The following ADGRB3 variants were observed in gnomAD, a reference collection of about 807,000 sequenced individuals.
ADGRB3 encodes the protein brain-specific angiogenesis inhibitor 3.
In ADGRB3, 37 loss-of-function variants were observed where a neutral mutation model predicts 193.4. That is an observed-to-expected ratio of 0.19 (90% CI 0.15 to 0.25). The LOEUF is 0.25. ADGRB3 is among the 10% of genes least tolerant of loss of function. The probability of loss-of-function intolerance (pLI) is 1.00; values close to 1 mark genes in which losing one functional copy is unlikely to be tolerated. For synonymous variants in ADGRB3, 690 were observed against 644.2 expected (o/e 1.07, Z -1.08); for missense variants, 1,637 against 1,852.9 (o/e 0.88, Z 2.14).
intron 28 of ADGRB3, among the ~76,000 whole-genome samples, chr6:69,358,503 A>T (rs190554092): frequency 1.2e-3 from 184 of 151,766 alleles, no homozygotes; most frequent in Non-Finnish European, 2.0e-3. Context: ...TTAGAAAATA[A>T]TTTTTCTAAT....
At chr6:69,141,231 C>T (rs2150337854) in intron 17 of ADGRB3, among the ~76,000 whole-genome samples, 2 of 152,010 alleles carry the variant, frequency 1.3e-5, no homozygotes, top group Middle Eastern at 3.4e-3. Flanking sequence ...TCTCGGCATT[C>T]TCCTGCCTCA....
chr6:68,851,595 A>G (rs1040780936), intron 3 of ADGRB3, among the ~76,000 whole-genome samples: 1 of 151,878 alleles, frequency 6.6e-6, no homozygotes, highest in Admixed American at 6.6e-5. Context: ...TAAATGATAC[A>G]AAATTACCCT....
intron 3 of ADGRB3, among the ~76,000 whole-genome samples, chr6:68,767,643 C>T (rs1766534793): frequency 6.6e-6 from 1 of 152,114 alleles, no homozygotes; most frequent in Non-Finnish European, 1.5e-5. Flanking sequence ...GACAAAGATG[C>T]CATCTCTCAC....
rs2150275274 is a variant in ADGRB3 at position 68,993,973 on chromosome 6, C to T, written c.1929+11C>T. 1.2e-6 allele frequency: 2 copies of T among 1,609,804 alleles called. No individual in the cohort carries two copies. Among genetic ancestry groups the T allele is most frequent in the Non-Finnish European group, 1.7e-6 (2 of 1,177,012 alleles). ...TCTGATGGTGTCCAGGTAAGGGAGA[C>T]AAGTTCGTGAAGGAAAGGGCTAGTG... is the stretch of plus-strand genomic sequence containing the variant. On this transcript the variant is annotated intron_variant, in intron 11 of 31. Coordinates refer to ENST00000370598, the MANE Select transcript of ADGRB3 (RefSeq NM_001704.3).
intron 17 of ADGRB3, among the ~76,000 whole-genome samples, chr6:69,117,548 A>G (rs1773569171): frequency 2.0e-5 from 3 of 152,322 alleles, no homozygotes; most frequent in South Asian, 4.1e-4. Context: ...TAGTAAGCCA[A>G]ATTCTTGGAG....
chr6:69,106,375 G>A (rs3757051), intron 17 of ADGRB3, among the ~76,000 whole-genome samples: 69,647 of 151,818 alleles, frequency 0.46, 16,903 homozygotes, highest in East Asian at 0.9. Context: ...AAACGGTGGT[G>A]TATGACAGGT....
intron 20 of ADGRB3, among the ~76,000 whole-genome samples, chr6:69,248,499 G>A (rs1766545820): frequency 6.6e-6 from 1 of 152,178 alleles, no homozygotes; most frequent in Non-Finnish European, 1.5e-5. Flanking sequence ...AGTAAAATTT[G>A]TCTCAGTACG....
intron 17 of ADGRB3, among the ~76,000 whole-genome samples, chr6:69,143,756 C>A (rs1192870775): frequency 6.6e-6 from 1 of 152,138 alleles, no homozygotes; most frequent in Non-Finnish European, 1.5e-5. Context: ...TGTTTTAATA[C>A]CAGTACCATG....
At chr6:68,957,764 GA>G (rs1768113812) in intron 8 of ADGRB3, among the ~76,000 whole-genome samples, 1 of 152,176 alleles carries the variant, frequency 6.6e-6, no homozygotes, top group East Asian at 1.9e-4. Context: ...GGTATTCTAA[GA>G]GCTATCCAGG....
intron 8 of ADGRB3, among the ~76,000 whole-genome samples, chr6:68,964,440 C>A (rs1300542819): frequency 6.6e-6 from 1 of 152,124 alleles, no homozygotes; most frequent in Non-Finnish European, 1.5e-5. Context: ...CTACTTCTCC[C>A]AGTGTGCCTC....
chr6:69,288,906 C>A (rs147075382), intron 20 of ADGRB3, among the ~76,000 whole-genome samples: 2 of 152,104 alleles, frequency 1.3e-5, no homozygotes, highest in African/African-American at 4.8e-5. Context: ...CAAAGGAACA[C>A]GCTTCTCTTT....
At chr6:69,011,236 T>G (rs1481583627) in intron 11 of ADGRB3, among the ~76,000 whole-genome samples, 2 of 151,620 alleles carry the variant, frequency 1.3e-5, no homozygotes, top group Non-Finnish European at 2.9e-5. Flanking sequence ...TGCTAAATCT[T>G]TTTAGGAAAG....
Position 69,330,557 on chromosome 6 carries a change from A to T in ADGRB3, c.3087A>T (p.Ala1029=), listed in dbSNP as rs1768695182. 1.2e-6 allele frequency: 2 copies of T among 1,609,110 alleles called. No homozygotes were observed. The change falls in exon 23 of 32, where the codon GCA becomes GCT. Residue 1029 remains alanine, a synonymous_variant. Transcript: ENST00000370598. ...TACTCTATGCTTTTGTGGGACCTGC[A>T]GCCGCTGTTGTCCTGGTAAACATCA... is the stretch of plus-strand genomic sequence containing the variant. The part of the protein sequence containing the change: ...GGLLYAFVGP[A]AAVVLVNMVI...
At chr6:68,796,184 T>C (rs1461309876) in intron 3 of ADGRB3, among the ~76,000 whole-genome samples, 4 of 152,116 alleles carry the variant, frequency 2.6e-5, no homozygotes, top group Admixed American at 1.3e-4. Context: ...GAAAATAATA[T>C]ATATCTATAA....
chr6:68,965,566 A>G (rs1212249395), intron 8 of ADGRB3, among the ~76,000 whole-genome samples: 1 of 152,178 alleles, frequency 6.6e-6, no homozygotes, highest in East Asian at 1.9e-4. Flanking sequence ...TAAGCCCTGT[A>G]TCATTTCTGC....
At chr6:69,008,944 A>G (rs181703582) in intron 11 of ADGRB3, among the ~76,000 whole-genome samples, 137 of 152,284 alleles carry the variant, frequency 9.0e-4, no homozygotes, top group South Asian at 3.7e-3. Flanking sequence ...AGCCCTGGTA[A>G]CATTAAAATC....
At chr6:69,199,619 T>C (rs914060383) in intron 17 of ADGRB3, among the ~76,000 whole-genome samples, 1 of 152,136 alleles carries the variant, frequency 6.6e-6, no homozygotes, top group Non-Finnish European at 1.5e-5. Context: ...GAAAAGTATC[T>C]TTCTATTCTC....
intron 17 of ADGRB3, among the ~76,000 whole-genome samples, chr6:69,217,868 AT>A (rs1765799509): frequency 6.6e-6 from 1 of 151,820 alleles, no homozygotes; most frequent in Non-Finnish European, 1.5e-5. Flanking sequence ...TAACTATAGC[AT>A]TTTTCCCCAG....
At chr6:68,979,620 C>G (rs1171962981) in intron 10 of ADGRB3, among the ~76,000 whole-genome samples, 1 of 151,344 alleles carries the variant, frequency 6.6e-6, no homozygotes, top group African/African-American at 2.4e-5. Flanking sequence ...TCATTTGATA[C>G]TCTGGAGTAT....
Sources: allele counts gnomAD v4.1 joint callset (sites outside exome capture counted in the v4.1 genomes callset), GRCh38; gene constraint gnomAD v4.1.1; transcripts MANE v1.5; gene names NCBI Gene and HGNC (gene_info 2026-07-23, HGNC 2026-07-21).